Variants in TTC28 observed in about 807,000 individuals in gnomAD.
TTC28 encodes tetratricopeptide repeat domain 28.
A neutral mutation model predicts 198.0 loss-of-function variants in TTC28; 61 were observed. That is an observed-to-expected ratio of 0.31 (90% CI 0.25 to 0.38). The LOEUF (loss-of-function observed/expected upper bound fraction) is 0.38. TTC28 is among the 10% of genes least tolerant of loss of function. The pLI, the probability that TTC28 is intolerant of heterozygous loss-of-function variation, is 1.00. For synonymous variants in TTC28, 1,171 were observed against 1,297.8 expected (o/e 0.90, Z 2.10); for missense variants, 2,678 against 3,164.0 (o/e 0.85, Z 3.69).
At chr22:28,659,068 G>A (rs552678833) in intron 1 of TTC28, among the ~76,000 whole-genome samples, 1 of 152,166 alleles carries the variant, frequency 6.6e-6, no homozygotes, top group Admixed American at 6.6e-5. Context: ...GCAGGAAGGT[G>A]TCTATCTGCA....
rs1274221978 is a variant in TTC28 at position 27,983,769 on chromosome 22, G to A, written c.5898C>T (p.Asn1966=). 11 of 1,551,588 alleles carry A rather than the reference G, an allele frequency of 7.1e-6. No individual in the cohort carries two copies. Among genetic ancestry groups the A allele is most frequent in the Non-Finnish European group, 6.1e-6 (7 of 1,147,018 alleles). ...ESLASAQSVS[N]ALPLGYQQPP... ...GTTGCTGGTAACCCAAGGGCAGGGC[G>A]TTGGAAACAGACTGAGCAGAAGCAA... The change falls in exon 23 of 23, where the codon AAC becomes AAT. Residue 1966 remains asparagine (N), a synonymous_variant. Transcript: ENST00000397906.
intron 2 of TTC28, among the ~76,000 whole-genome samples, chr22:28,606,276 AGAT>A (rs2050733078): frequency 6.6e-6 from 1 of 151,788 alleles, no homozygotes; most frequent in African/African-American, 2.4e-5. Flanking sequence ...TCTTTAGTAG[AGAT>A]GGGGTTTCAC....
At chr22:28,657,773 G>A (rs766318441) in intron 1 of TTC28, among the ~76,000 whole-genome samples, 1 of 152,088 alleles carries the variant, frequency 6.6e-6, no homozygotes, top group Non-Finnish European at 1.5e-5. Flanking sequence ...CAGCTACTTG[G>A]GAGGCTGAGA....
At chr22:28,004,796 A>C (rs1430756258) in intron 14 of TTC28, among the ~76,000 whole-genome samples, 1 of 152,222 alleles carries the variant, frequency 6.6e-6, no homozygotes, top group Non-Finnish European at 1.5e-5. Flanking sequence ...TTGCACTGAA[A>C]GATTAGTTAT....
At chr22:28,059,522 T>C (rs1322166263) in intron 12 of TTC28, among the ~76,000 whole-genome samples, 1 of 152,094 alleles carries the variant, frequency 6.6e-6, no homozygotes, top group Non-Finnish European at 1.5e-5. Context: ...TGATGTTCTA[T>C]AACTATAATT....
intron 2 of TTC28, among the ~76,000 whole-genome samples, chr22:28,484,494 G>C (rs1327535117): frequency 2.0e-5 from 3 of 152,062 alleles, no homozygotes; most frequent in African/African-American, 7.2e-5. Context: ...CCCCATATTT[G>C]TCATTTTTAA....
intron 5 of TTC28, among the ~76,000 whole-genome samples, chr22:28,294,686 AGC>A (rs1044271408): frequency 6.6e-6 from 1 of 151,484 alleles, no homozygotes; most frequent in Non-Finnish European, 1.5e-5. Context: ...CTCCTGCCTC[AGC>A]CTCCCAAGTA....
intron 2 of TTC28, among the ~76,000 whole-genome samples, chr22:28,410,271 T>G (rs972205633): frequency 6.6e-6 from 1 of 152,196 alleles, no homozygotes; most frequent in African/African-American, 2.4e-5. Flanking sequence ...CTCTTCCATA[T>G]GATAATCTTT....
chr22:28,311,054 C>T (rs2045247500), intron 2 of TTC28, among the ~76,000 whole-genome samples: 1 of 152,174 alleles, frequency 6.6e-6, no homozygotes, highest in Admixed American at 6.5e-5. Context: ...TGCTGGATTA[C>T]AGGCATGAGC....
At chr22:28,358,732 A>T (rs2046114876) in intron 2 of TTC28, among the ~76,000 whole-genome samples, 1 of 152,164 alleles carries the variant, frequency 6.6e-6, no homozygotes, top group Admixed American at 6.6e-5. Flanking sequence ...ATTTTGAAGC[A>T]ATTGTCTGCA....
intron 11 of TTC28, 48 bp from the exon 12 acceptor site, chr22:28,094,293 G>C: frequency 6.8e-7 from 1 of 1,464,430 alleles, no homozygotes; most frequent in Non-Finnish European, 9.1e-7. Context: ...TAGGGTCAGA[G>C]AAAGGAGAAG....
At chr22:28,560,040 C>G (rs934747637) in intron 2 of TTC28, among the ~76,000 whole-genome samples, 1 of 152,098 alleles carries the variant, frequency 6.6e-6, no homozygotes, top group Non-Finnish European at 1.5e-5. Context: ...TATTACTCCC[C>G]TCCAAAAAAA....
chr22:28,647,456 G>A (rs917846988), intron 1 of TTC28, among the ~76,000 whole-genome samples: 3 of 152,098 alleles, frequency 2.0e-5, no homozygotes, highest in African/African-American at 7.2e-5. Flanking sequence ...CCCACAGAGA[G>A]GAAGAAGGTA....
At chr22:28,650,396 A>G (rs1352554447) in intron 1 of TTC28, among the ~76,000 whole-genome samples, 3 of 152,242 alleles carry the variant, frequency 2.0e-5, no homozygotes, top group African/African-American at 7.2e-5. Flanking sequence ...AGAATTGGAT[A>G]AAACAGAAGG....
At chr22:28,509,459 A>G (rs2048658603) in intron 2 of TTC28, among the ~76,000 whole-genome samples, 1 of 152,238 alleles carries the variant, frequency 6.6e-6, no homozygotes, top group Non-Finnish European at 1.5e-5. Flanking sequence ...ACTAAGAAAG[A>G]AATCAAGAAG....
At chr22:27,995,810 G>A (rs1937541312) in intron 17 of TTC28, among the ~76,000 whole-genome samples, 1 of 152,244 alleles carries the variant, frequency 6.6e-6, no homozygotes, top group Non-Finnish European at 1.5e-5. Context: ...CTTCCCCCAG[G>A]GTCCTGGCGA....
In TTC28 at chr22:28,107,570, C is replaced by A; in HGVS notation, c.2275G>T (p.Ala759Ser). ...DRRLEASAYA[A>S]LGTAYRMIQK... Reference sequence around the variant, plus strand: ...ATCATTCGGTATGCAGTGCCCAGGGCTGCATATGCACTGGCTTCTAATCTT... The same window carrying A: ...ATCATTCGGTATGCAGTGCCCAGGGATGCATATGCACTGGCTTCTAATCTT... Residue 759 changes from alanine to serine, a missense_variant, in exon 7 of 23, where the codon GCC becomes TCC. Ala to Ser is a moderately conservative substitution (Grantham distance 99). Transcript: ENST00000397906. The A allele has an allele frequency of 6.4e-7, 1 of 1,551,832 alleles. No homozygotes were observed. Among genetic ancestry groups the A allele is most frequent in the South Asian group, 1.2e-5 (1 of 84,060 alleles).
chr22:28,093,781 T>C (rs1027590188), intron 12 of TTC28, among the ~76,000 whole-genome samples: 4 of 152,202 alleles, frequency 2.6e-5, no homozygotes, highest in African/African-American at 9.6e-5. Flanking sequence ...TTGGCTGGTA[T>C]GTTAAATTCA....
rs1936978167 is a variant in TTC28, at chr22:27,980,650, GGCC to G, written c.*1568_*1570del. On this transcript the variant is annotated 3_prime_UTR_variant, in exon 23 of 23. Coordinates refer to ENST00000397906, the MANE Select transcript of TTC28 (RefSeq NM_001145418.2). The stretch of plus-strand genomic sequence containing the variant: ...GTGCTGCTGGTGGCCCAGGCCAGGT[GGCC>G]GCCCACCTTCATGAGGAACCCTGTA... 6.6e-6 allele frequency: 1 copy of G among 152,252 alleles called. No individual in the cohort carries two copies. The highest frequency in any genetic ancestry group is 6.5e-5 in the Admixed American group (1 of 15,286). The allele number at this position is 152,252 out of a possible 1,614,324, so 9.4% of individuals were successfully genotyped here.
Sources: gnomAD v4.1 joint callset for allele counts (sites outside exome capture counted in the v4.1 genomes callset) on GRCh38, gnomAD v4.1.1 for gene constraint, MANE v1.5 for transcripts, NCBI Gene and HGNC (gene_info 2026-07-23, HGNC 2026-07-21) for gene names.